The following SEL1L3 variants were observed in gnomAD, a reference collection of about 807,000 sequenced individuals.
The protein encoded by SEL1L3 is SEL1L family member 3, also known as protein sel-1 homolog 3.
In SEL1L3, 76 loss-of-function variants were observed where a neutral mutation model predicts 142.8. The observed-to-expected ratio is 0.53, with a 90% CI of 0.44 to 0.64. SEL1L3 has a LOEUF of 0.64. Among genes scored for constraint, SEL1L3 ranks in the 30% least tolerant of loss-of-function variants. The probability of loss-of-function intolerance (pLI) is 0.00; values close to 1 mark genes in which losing one functional copy is unlikely to be tolerated. For synonymous variants in SEL1L3, 504 were observed against 519.6 expected (o/e 0.97, Z 0.41); for missense variants, 1,262 against 1,381.7 (o/e 0.91, Z 1.37).
At chr4:25,837,391 A>T (rs139123451) in intron 2 of SEL1L3, among the ~76,000 whole-genome samples, 480 of 141,602 alleles carry the variant, frequency 3.4e-3, no homozygotes, top group African/African-American at 0.012. Context: ...GACTCCAATT[A>T]AAAAAAAAAG....
chr4:25,772,901 A>T (rs1034234340), intron 17 of SEL1L3, among the ~76,000 whole-genome samples: 1 of 152,132 alleles, frequency 6.6e-6, no homozygotes, highest in Admixed American at 6.6e-5. Context: ...GGGTTCAAGC[A>T]ATTCTCCTGC....
rs539498357 is a variant in SEL1L3 at position 25,811,312 on chromosome 4, G to A, written c.1565-6560C>T. Reference sequence around the variant, plus strand: ...ATTCTGGTCTACTGCTGTTGACAGCGGAAAGCTGGCAAACAGCGTCCTGGT... The same window carrying A: ...ATTCTGGTCTACTGCTGTTGACAGCAGAAAGCTGGCAAACAGCGTCCTGGT... On this transcript the variant is annotated intron_variant, in intron 9 of 23. Coordinates refer to ENST00000399878, the MANE Select transcript of SEL1L3 (RefSeq NM_015187.5). Among the ~76,000 whole-genome samples the A allele has an allele frequency of 5.9e-5, 9 of 152,306 alleles. No individual in the cohort carries two copies. In the South Asian group the frequency reaches 1.2e-3, roughly 21 times the overall value.
At chr4:25,786,581 G>A (rs1407918578) in intron 13 of SEL1L3, among the ~76,000 whole-genome samples, 3 of 152,132 alleles carry the variant, frequency 2.0e-5, no homozygotes, top group African/African-American at 4.8e-5. Flanking sequence ...CTCCACTCTG[G>A]TGGACAGGTG....
downstream of SEL1L3, among the ~76,000 whole-genome samples, chr4:25,746,117 G>C (rs1035279043): frequency 2.0e-5 from 3 of 152,166 alleles, no homozygotes; most frequent in Non-Finnish European, 2.9e-5. Context: ...GATTTCTCAT[G>C]AATGGTTTAG....
chr4:25,814,616 C>T (rs1485899749), intron 9 of SEL1L3, among the ~76,000 whole-genome samples: 3 of 152,122 alleles, frequency 2.0e-5, no homozygotes, highest in African/African-American at 4.8e-5. Context: ...TGAAGCCCGC[C>T]GGAGCCAGCT....
intron 5 of SEL1L3, among the ~76,000 whole-genome samples, chr4:25,832,567 C>T (rs1715515223): frequency 6.6e-6 from 1 of 152,100 alleles, no homozygotes; most frequent in Non-Finnish European, 1.5e-5. Flanking sequence ...GCTTCACTTG[C>T]CAAAAGCAGT....
At chr4:25,785,297 C>T (rs1427961090) in intron 13 of SEL1L3, among the ~76,000 whole-genome samples, 2 of 152,218 alleles carry the variant, frequency 1.3e-5, no homozygotes, top group Admixed American at 6.5e-5. Flanking sequence ...TGTCTAAGTG[C>T]TTCATCAACT....
chr4:25,801,522 A>G (rs1713182141), intron 11 of SEL1L3, among the ~76,000 whole-genome samples: 1 of 152,198 alleles, frequency 6.6e-6, no homozygotes, highest in African/African-American at 2.4e-5. Flanking sequence ...GTTGGACCCT[A>G]TTACTCCCTG....
chr4:25,802,385 C>G lies in SEL1L3; in HGVS notation c.1854G>C (p.Gln618His). The change falls in exon 11 of 24, where the codon CAG becomes CAC. Residue 618 changes from glutamine (Q) to histidine (H), a missense_variant. Gln to His is a conservative substitution (Grantham distance 24). This residue lies in a region of SEL1L3 where 435 missense variants were observed against 559.2 expected (regional missense o/e 0.78). Transcript: ENST00000399878. ...SSMNLGYKHYQGIDNYPLDWE... is the reference protein window; with the variant it reads ...SSMNLGYKHYHGIDNYPLDWE... ...AGTCCAGGGGGTAGTTGTCAATACC[C>G]TGGTAGTGTTTATACCCAAGATTCA... 6.2e-7 allele frequency: 1 copy of G among 1,613,896 alleles called. No homozygotes were observed. The highest frequency in any genetic ancestry group is 8.5e-7 in the Non-Finnish European group (1 of 1,179,826).
downstream of SEL1L3, among the ~76,000 whole-genome samples, chr4:25,746,617 A>C: frequency 6.8e-6 from 1 of 146,462 alleles, no homozygotes; most frequent in Non-Finnish European, 1.5e-5. Context: ...AGAGAGAAAC[A>C]AAAATAAAAT....
chr4:25,742,059 G>A, the SEL1L3 span, among the ~76,000 whole-genome samples: 2 of 151,932 alleles, frequency 1.3e-5, no homozygotes, highest in African/African-American at 4.8e-5. Flanking sequence ...TGATCTGCCT[G>A]CCTCGGCCTC....
chr4:25,821,937 C>T, intron 7 of SEL1L3, 59 bp downstream of exon 7: 3 of 1,567,006 alleles, frequency 1.9e-6, no homozygotes, highest in Non-Finnish European at 2.6e-6. Flanking sequence ...GTGGCACACC[C>T]CTGAGGCCCA....
chr4:25,763,158 G>C (rs1227005811), intron 20 of SEL1L3, among the ~76,000 whole-genome samples: 1 of 149,296 alleles, frequency 6.7e-6, no homozygotes, highest in Non-Finnish European at 1.5e-5. Flanking sequence ...TGTAACATTG[G>C]CTTCCCAAAC....
At chr4:25,816,851 T>C (rs1378952) in intron 9 of SEL1L3, among the ~76,000 whole-genome samples, 75,105 of 151,846 alleles carry the variant, frequency 0.49, 20,973 homozygotes, top group African/African-American at 0.76. Context: ...AATTCCCACC[T>C]CCAACTCTCT....
At chr4:25,735,671 G>T in the SEL1L3 span, among the ~76,000 whole-genome samples, 1 of 151,034 alleles carries the variant, frequency 6.6e-6, no homozygotes, top group East Asian at 1.9e-4. Context: ...TCCTACAAAC[G>T]TTGATGTTGT....
intron 1 of SEL1L3, among the ~76,000 whole-genome samples, chr4:25,857,750 C>T (rs1365203372): frequency 6.6e-6 from 1 of 152,224 alleles, no homozygotes; most frequent in East Asian, 1.9e-4. Flanking sequence ...AGATGATGCC[C>T]TCAACTCACG....
chr4:25,742,643 T>G (rs950206913), downstream of SEL1L3, among the ~76,000 whole-genome samples: 2 of 152,224 alleles, frequency 1.3e-5, no homozygotes, highest in African/African-American at 4.8e-5. Context: ...AATGAGTTCA[T>G]AGTTTGGTTA....
chr4:25,757,138 C>T (rs1718021019), intron 23 of SEL1L3, among the ~76,000 whole-genome samples: 1 of 151,876 alleles, frequency 6.6e-6, no homozygotes, highest in Admixed American at 6.6e-5. Context: ...TGTGGTGGCG[C>T]ACACCTGTAG....
At chr4:25,758,849 C>A in intron 21 of SEL1L3, 92 bp downstream of exon 21, 1 of 1,297,796 alleles carries the variant, frequency 7.7e-7, no homozygotes, top group Non-Finnish European at 1.1e-6. Context: ...ATTTACATTA[C>A]AATATAAGGG....
Sources: allele counts gnomAD v4.1 joint callset (sites outside exome capture counted in the v4.1 genomes callset), GRCh38; gene constraint gnomAD v4.1.1; regional missense constraint gnomAD v4.1.1; transcripts MANE v1.5; gene names NCBI Gene and HGNC (gene_info 2026-07-23, HGNC 2026-07-21).